AVEN: variants seen among roughly 807,000 people sequenced by gnomAD.
The protein encoded by AVEN is cell death regulator Aven.
A neutral mutation model predicts 38.1 loss-of-function variants in AVEN; 41 were observed. That is an observed-to-expected ratio of 1.08 (90% CI 0.84 to 1.40). The LOEUF (loss-of-function observed/expected upper bound fraction) is 1.40. Among genes scored for constraint, AVEN ranks in the 40% most tolerant of loss-of-function variants. The pLI is 0.00. For missense variants in AVEN, 605 were observed against 438.8 expected, an observed-to-expected ratio of 1.38 and a Z score of -3.38; for synonymous variants, 206 against 171.8, an observed-to-expected ratio of 1.20 and a Z score of -1.56.
chr15:34,072,279 A>G (rs779427038), intron 1 of AVEN, among the ~76,000 whole-genome samples: 2 of 150,884 alleles, frequency 1.3e-5, no homozygotes, highest in Non-Finnish European at 2.9e-5. Context: ...TAAAAAAATA[A>G]TAATAATACA....
At chr15:33,865,666 C>CTAAT (rs201070973), downstream of AVEN, 6,157 of 156,778 alleles carry the variant, frequency 0.039, 270 homozygotes, top group East Asian at 0.24. Flanking sequence ...TAACTGCAGT[C>CTAAT]TAATTTTTCC....
chr15:33,888,789 T>C (rs1438294554), intron 2 of AVEN, among the ~76,000 whole-genome samples: 1 of 152,170 alleles, frequency 6.6e-6, no homozygotes, highest in Non-Finnish European at 1.5e-5. Flanking sequence ...TCTCACTCTG[T>C]CACCAGACTG....
Position 33,988,293 on chromosome 15 carries a change from A to AT in AVEN, c.445+14738dup, listed in dbSNP as rs568562122. Reference sequence around the variant, plus strand: ...ATATATTTCGATTTTAATGAACAGTATCAAGTGCAAAAAATTCCAACCTTG... The same window carrying AT: ...ATATATTTCGATTTTAATGAACAGTATTCAAGTGCAAAAAATTCCAACCTTG... On this transcript the variant is annotated intron_variant, in intron 2 of 5. Coordinates refer to ENST00000306730, the MANE Select transcript of AVEN (RefSeq NM_020371.3). 1.2e-4 allele frequency among the ~76,000 whole-genome samples: 19 copies of AT among 152,352 alleles called. 1 individual carries two copies. The East Asian group carries it at 3.5e-3, about 28-fold the overall frequency.
intron 2 of AVEN, among the ~76,000 whole-genome samples, chr15:33,909,358 T>C (rs1316286964): frequency 6.6e-6 from 1 of 152,228 alleles, no homozygotes; most frequent in Non-Finnish European, 1.5e-5. Context: ...CTAAGAGTTC[T>C]CATGGGAATA....
chr15:34,021,413 G>A (rs1376121978), intron 1 of AVEN, among the ~76,000 whole-genome samples: 1 of 151,886 alleles, frequency 6.6e-6, no homozygotes, highest in Non-Finnish European at 1.5e-5. Context: ...AGCCTCCTGA[G>A]TAGCTGGGAT....
At chr15:34,061,764 G>T (rs1201112141) in intron 5 of AVEN, among the ~76,000 whole-genome samples, 1 of 152,100 alleles carries the variant, frequency 6.6e-6, no homozygotes. Context: ...CAGCAGCTGG[G>T]GCAAATGTAA....
intron 2 of AVEN, among the ~76,000 whole-genome samples, chr15:33,888,010 T>G (rs768173192): frequency 2.0e-5 from 3 of 152,088 alleles, no homozygotes; most frequent in Non-Finnish European, 4.4e-5. Context: ...AGAAAGAACT[T>G]TCCCACATAC....
At chr15:33,991,346 G>C (rs924431740) in intron 2 of AVEN, 1 of 152,102 alleles carries the variant, frequency 6.6e-6, no homozygotes, top group Non-Finnish European at 1.5e-5. Flanking sequence ...AGCTAAGCAA[G>C]AGCAAGAAGA....
chr15:33,859,428 G>C, intron 11 of AVEN: 2 of 737,474 alleles, frequency 2.7e-6, no homozygotes, highest in Non-Finnish European at 4.5e-6. Context: ...ACAGCAGCTA[G>C]CAGCATGAAT....
chr15:34,058,326 T>C (rs1900227026), intron 5 of AVEN, among the ~76,000 whole-genome samples: 1 of 152,070 alleles, frequency 6.6e-6, no homozygotes, highest in Non-Finnish European at 1.5e-5. Flanking sequence ...TATTGATAAA[T>C]AAAAAATTAC....
intron 2 of AVEN, among the ~76,000 whole-genome samples, chr15:33,914,290 A>G (rs193007913): frequency 6.6e-6 from 1 of 152,176 alleles, no homozygotes; most frequent in African/African-American, 2.4e-5. Flanking sequence ...AGAAATACTA[A>G]AACACATTAA....
At chr15:34,054,449 C>T (rs1323415455) in intron 5 of AVEN, among the ~76,000 whole-genome samples, 1 of 152,106 alleles carries the variant, frequency 6.6e-6, no homozygotes, top group African/African-American at 2.4e-5. Context: ...CAACAATAGA[C>T]TGGATAAAAA....
At chr15:34,046,177 G>A (rs960069023) in intron 5 of AVEN, among the ~76,000 whole-genome samples, 1 of 152,054 alleles carries the variant, frequency 6.6e-6, no homozygotes, top group Non-Finnish European at 1.5e-5. Flanking sequence ...GTTTATTGTG[G>A]AAAACATTCA....
chr15:33,932,769 G>A (rs1893896349), intron 2 of AVEN, among the ~76,000 whole-genome samples: 1 of 152,020 alleles, frequency 6.6e-6, no homozygotes, highest in African/African-American at 2.4e-5. Context: ...AGGTTGCAGT[G>A]AGCCGAGATC....
chr15:33,927,180 G>A (rs1317150859), intron 2 of AVEN, among the ~76,000 whole-genome samples: 7 of 151,720 alleles, frequency 4.6e-5, no homozygotes, highest in African/African-American at 1.7e-4. Context: ...GCTTGAACCC[G>A]AGAGGTGGAG....
chr15:34,068,519 T>C (rs1340657314), intron 2 of AVEN, among the ~76,000 whole-genome samples: 1 of 152,114 alleles, frequency 6.6e-6, no homozygotes, highest in Non-Finnish European at 1.5e-5. Context: ...AGAGTGTGTA[T>C]TTCTTAAGAA....
At chr15:33,884,067 T>G (rs2153038678) in intron 2 of AVEN, among the ~76,000 whole-genome samples, 1 of 152,310 alleles carries the variant, frequency 6.6e-6, no homozygotes, top group South Asian at 2.1e-4. Flanking sequence ...TCGATTTTTC[T>G]CAAACTCCTG....
chr15:34,061,002 C>T (rs1271300899), intron 5 of AVEN, among the ~76,000 whole-genome samples: 1 of 147,912 alleles, frequency 6.8e-6, no homozygotes, highest in Non-Finnish European at 1.5e-5. Context: ...GGCAACAGAG[C>T]GAGACTCCGT....
intron 11 of AVEN, among the ~76,000 whole-genome samples, chr15:33,860,303 C>A (rs1257256607): frequency 1.3e-5 from 2 of 151,990 alleles, no homozygotes; most frequent in East Asian, 3.9e-4. Flanking sequence ...ACAGACTGAA[C>A]ACAAATAGCT....
Sources: allele counts gnomAD v4.1 joint callset (sites outside exome capture counted in the v4.1 genomes callset), GRCh38; gene constraint gnomAD v4.1.1; transcripts MANE v1.5; gene names NCBI Gene and HGNC (gene_info 2026-07-23, HGNC 2026-07-21).